Variants in UBE4B observed in about 807,000 individuals in gnomAD.
The protein encoded by UBE4B is ubiquitination factor E4B.
UBE4B carries 27 observed loss-of-function variants against 148.1 expected under a neutral mutation model. The observed-to-expected ratio is 0.18, with a 90% CI of 0.13 to 0.25. UBE4B has a LOEUF of 0.25. Among genes scored for constraint, UBE4B ranks in the 10% least tolerant of loss-of-function variants. UBE4B has a pLI of 1.00. For missense variants in UBE4B, 1,170 were observed against 1,662.4 expected, an observed-to-expected ratio of 0.70 and a Z score of 5.15; for synonymous variants, 596 against 619.3, an observed-to-expected ratio of 0.96 and a Z score of 0.56.
intron 4 of UBE4B, among the ~76,000 whole-genome samples, chr1:10,101,976 G>GGTGTGT (rs35021874): frequency 1.5e-3 from 216 of 147,558 alleles, no homozygotes; most frequent in African/African-American, 4.9e-3. Context: ...CTGCATTTAG[G>GGTGTGT]GTGTGTGTGT....
At position 10,161,999 on chromosome 1, in the gene UBE4B, C is replaced by CTTTTTTTTTTT. The variant is rs764089127; in HGVS notation, c.3198+719_3198+729dup. 1.5e-5 allele frequency among the ~76,000 whole-genome samples: 2 copies of CTTTTTTTTTTT among 137,262 alleles called. No individual in the cohort carries two copies. Among genetic ancestry groups the CTTTTTTTTTTT allele is most frequent in the Non-Finnish European group, 1.6e-5 (1 of 62,932 alleles). The allele number at this position is 137,262 out of a possible 152,430, so 90.0% of individuals were successfully genotyped here. ...GGGGACTGCTTTTTCTTCACTTTTTCTTTTTTTTTTTTTTTTGAGACGGAG... is the reference window on the plus strand; with the variant it reads ...GGGGACTGCTTTTTCTTCACTTTTTCTTTTTTTTTTTTTTTTTTTTTTTTTTTGAGACGGAG... On this transcript the variant is annotated intron_variant, in intron 23 of 27. Transcript: ENST00000343090. The surrounding 1 kb of genome is among the most constrained non-coding windows in gnomAD (Gnocchi z 4.1).
chr1:10,072,685 T>A (rs1285523417), intron 2 of UBE4B: 2 of 518,126 alleles, frequency 3.9e-6, no homozygotes, highest in Non-Finnish European at 6.8e-6. Flanking sequence ...TTTAGAACTA[T>A]CTCATTAAAA....
At chr1:10,174,936 ATCTTAGTTTGCTTTGGTATG>A (rs1466147529) in intron 25 of UBE4B, among the ~76,000 whole-genome samples, 3 of 152,136 alleles carry the variant, frequency 2.0e-5, no homozygotes, top group South Asian at 4.1e-4. Flanking sequence ...AAGCAGCAGT[ATCTTAGTTTGCTTTGGTATG>A]TCTTAGTTTG....
intron 2 of UBE4B, among the ~76,000 whole-genome samples, chr1:10,075,464 T>C (rs946145869): frequency 2.6e-5 from 4 of 152,222 alleles, no homozygotes; most frequent in Admixed American, 6.5e-5. Flanking sequence ...CTGTTCTCAG[T>C]GTAGAGCCAG....
At chr1:10,082,407 A>G (rs1644697132) in intron 2 of UBE4B, among the ~76,000 whole-genome samples, 1 of 152,140 alleles carries the variant, frequency 6.6e-6, no homozygotes, top group African/African-American at 2.4e-5. Context: ...AGGCTGAGGC[A>G]TGAGAATCAC....
At chr1:10,134,894 C>A in intron 15 of UBE4B, 94 bp from the exon 16 acceptor site, 1 of 1,042,332 alleles carries the variant, frequency 9.6e-7, no homozygotes, top group Non-Finnish European at 1.4e-6. Context: ...AAGATCACAC[C>A]CCTTCGCTCC....
intron 1 of UBE4B, among the ~76,000 whole-genome samples, chr1:10,062,554 C>T (rs1644305897): frequency 2.6e-4 from 1 of 3,860 alleles, no homozygotes; most frequent in African/African-American, 1.4e-3. Context: ...CTCAGGAGGT[C>T]TGCCCACCTT....
At chr1:10,122,996 A>G (rs995481278) in intron 10 of UBE4B, among the ~76,000 whole-genome samples, 3 of 152,204 alleles carry the variant, frequency 2.0e-5, no homozygotes, top group African/African-American at 7.2e-5. Flanking sequence ...CCAAGAATAA[A>G]AATTCCAGTT....
intron 21 of UBE4B, among the ~76,000 whole-genome samples, chr1:10,155,171 C>T (rs1028285727): frequency 6.6e-6 from 1 of 151,722 alleles, no homozygotes; most frequent in African/African-American, 2.4e-5. Flanking sequence ...AGTGCTGGGC[C>T]TAGTGGAGTC....
At chr1:10,155,281 G>A (rs554299124) in intron 21 of UBE4B, among the ~76,000 whole-genome samples, 2 of 152,234 alleles carry the variant, frequency 1.3e-5, no homozygotes, top group East Asian at 3.9e-4. Flanking sequence ...AGTCATAGAT[G>A]GATGACATCT....
intron 1 of UBE4B, among the ~76,000 whole-genome samples, chr1:10,041,298 A>G (rs1056187382): frequency 1.1e-4 from 9 of 85,274 alleles, no homozygotes; most frequent in Admixed American, 7.8e-4. Flanking sequence ...CTCTAAAACA[A>G]GACTTAACCT....
chr1:10,157,529 C>G (rs1469647373), intron 21 of UBE4B, among the ~76,000 whole-genome samples: 1 of 152,024 alleles, frequency 6.6e-6, no homozygotes, highest in East Asian at 1.9e-4. Flanking sequence ...CCTGTAATCC[C>G]AGCACTTTGG....
chr1:10,134,683 A>G (rs1645649202), intron 15 of UBE4B, among the ~76,000 whole-genome samples: 1 of 152,164 alleles, frequency 6.6e-6, no homozygotes, highest in Admixed American at 6.6e-5. Flanking sequence ...TATGTTTGAA[A>G]GTTCAGTCTG....
chr1:10,052,524 T>C lies in UBE4B; in HGVS notation c.24+18830T>C, dbSNP rs144267748. On this transcript the variant is annotated intron_variant, in intron 1 of 27. Coordinates refer to ENST00000343090, the MANE Select transcript of UBE4B (RefSeq NM_001105562.3). ...TCCTCAGGAATCATGTCTGTGATCA[T>C]GGTCTTTTGTTAGACCTGTGTCTAT... is the stretch of plus-strand genomic sequence containing the variant. Among the ~76,000 whole-genome samples the C allele has an allele frequency of 4.8e-3, 737 of 152,314 alleles. 3 individuals carry two copies. The highest frequency in any genetic ancestry group is 0.01 in the Middle Eastern group (3 of 294).
In UBE4B at chr1:10,137,275, T is replaced by C. The variant is rs935919049; in HGVS notation, c.2363+70T>C. On this transcript the variant is annotated intron_variant, in intron 17 of 27. Transcript: ENST00000343090. Reference sequence around the variant, plus strand: ...TTTTTCTCAGGGGCAGGCAATTCCATTGTGAACAGTAGTTTTGAATGTTGG... The same window carrying C: ...TTTTTCTCAGGGGCAGGCAATTCCACTGTGAACAGTAGTTTTGAATGTTGG... 54 of 1,590,214 alleles carry C rather than the reference T, an allele frequency of 3.4e-5. No homozygotes were observed. In the Admixed American group the frequency reaches 6.4e-4, roughly 19 times the overall value.
intron 1 of UBE4B, among the ~76,000 whole-genome samples, chr1:10,068,772 G>T (rs1644433699): frequency 1.3e-5 from 2 of 152,180 alleles, no homozygotes; most frequent in South Asian, 4.1e-4. Context: ...TATTCCCAGG[G>T]CCTCAGGTTG....
chr1:10,152,169 G>C (rs898373609), intron 21 of UBE4B, among the ~76,000 whole-genome samples: 2 of 151,612 alleles, frequency 1.3e-5, no homozygotes, highest in African/African-American at 4.8e-5. Context: ...TGAGGGAGGA[G>C]AATTGCTTGA....
chr1:10,041,441 TCTC>T (rs1365709926), intron 1 of UBE4B, among the ~76,000 whole-genome samples: 3 of 151,338 alleles, frequency 2.0e-5, no homozygotes, highest in African/African-American at 7.3e-5. Flanking sequence ...TTCAAGCAAT[TCTC>T]CTGCCTAAGC....
chr1:10,052,361 TG>T lies in UBE4B; in HGVS notation c.24+18670del, dbSNP rs1215127852. ...TGCTGGGATTATAGGCATGAGCCAC[TG>T]GGCCTGGTCAGTGGTGATTTAATTA... On this transcript the variant is annotated intron_variant, in intron 1 of 27. Coordinates refer to ENST00000343090, the MANE Select transcript of UBE4B (RefSeq NM_001105562.3). Among the ~76,000 whole-genome samples, 6 of 152,246 alleles carry T rather than the reference TG, an allele frequency of 3.9e-5. No individual in the cohort carries two copies. The East Asian group carries it at 1.2e-3, about 29-fold the overall frequency.
Sources: gnomAD v4.1 joint callset for allele counts (sites outside exome capture counted in the v4.1 genomes callset) on GRCh38, gnomAD v4.1.1 for gene constraint, Gnocchi (gnomAD v3.1) non-coding constraint, MANE v1.5 for transcripts, NCBI Gene and HGNC (gene_info 2026-07-23, HGNC 2026-07-21) for gene names.